TP63: variants seen among roughly 807,000 people sequenced by gnomAD.
The protein encoded by TP63 is tumor protein p63, also known as tumor protein 63.
In TP63, 17 loss-of-function variants were observed where a neutral mutation model predicts 82.8. The observed-to-expected ratio is 0.21, with a 90% confidence interval of 0.14 to 0.31. The LOEUF (loss-of-function observed/expected upper bound fraction) is 0.31. TP63 is among the 10% of genes least tolerant of loss of function. The probability of loss-of-function intolerance (pLI) is 1.00; values close to 1 mark genes in which losing one functional copy is unlikely to be tolerated. For missense variants in TP63, 648 were observed against 895.3 expected (o/e 0.72, Z 3.52); for synonymous variants, 330 against 321.7 (o/e 1.03, Z -0.28).
intron 3 of TP63, among the ~76,000 whole-genome samples, chr3:189,770,809 G>A (rs1723283050): frequency 6.6e-6 from 1 of 152,154 alleles, no homozygotes; most frequent in African/African-American, 2.4e-5. Flanking sequence ...AAATGTATCA[G>A]TCACTTCCAC....
intron 10 of TP63, among the ~76,000 whole-genome samples, chr3:189,881,943 T>C (rs542630888): frequency 5.9e-4 from 90 of 152,006 alleles, no homozygotes; most frequent in African/African-American, 2.1e-3. Flanking sequence ...GTGGAACCTA[T>C]TGTCCAATTT....
intron 3 of TP63, among the ~76,000 whole-genome samples, chr3:189,758,176 C>G (rs1180530550): frequency 6.6e-6 from 1 of 152,298 alleles, no homozygotes; most frequent in South Asian, 2.1e-4. Context: ...AAGGAGCACA[C>G]AACTTAGATC....
At chr3:189,719,381 C>T (rs932613270) in intron 1 of TP63, among the ~76,000 whole-genome samples, 1 of 152,180 alleles carries the variant, frequency 6.6e-6, no homozygotes, top group South Asian at 2.1e-4. Flanking sequence ...TGATTATGTG[C>T]CCATATTCAC....
chr3:189,837,071 C>G (rs1379466270), intron 4 of TP63, among the ~76,000 whole-genome samples: 1 of 152,110 alleles, frequency 6.6e-6, no homozygotes, highest in Non-Finnish European at 1.5e-5. Flanking sequence ...GTACCGTGTT[C>G]TTCACGGTGT....
chr3:189,676,697 G>T (rs987492612), intron 1 of TP63, among the ~76,000 whole-genome samples: 1 of 152,004 alleles, frequency 6.6e-6, no homozygotes, highest in African/African-American at 2.4e-5. Flanking sequence ...CACCCGAATA[G>T]TGTACGTCAG....
chr3:189,637,799 G>C (rs1221876831), intron 1 of TP63, among the ~76,000 whole-genome samples: 1 of 152,080 alleles, frequency 6.6e-6, no homozygotes, highest in Non-Finnish European at 1.5e-5. Context: ...ACACAGCAAA[G>C]CAGAATTAAG....
chr3:189,782,521 A>T (rs1724304472), intron 3 of TP63, among the ~76,000 whole-genome samples: 1 of 152,140 alleles, frequency 6.6e-6, no homozygotes. Context: ...TTTATAGGAG[A>T]TATTTAGTAG....
At chr3:189,822,213 G>T (rs1204026321) in intron 4 of TP63, among the ~76,000 whole-genome samples, 2 of 152,154 alleles carry the variant, frequency 1.3e-5, no homozygotes, top group Admixed American at 1.3e-4. Context: ...TATTAGGATG[G>T]ATCATAGATT....
intron 3 of TP63, among the ~76,000 whole-genome samples, chr3:189,765,696 G>C (rs2108547161): frequency 6.6e-6 from 1 of 151,910 alleles, no homozygotes; most frequent in South Asian, 2.1e-4. Flanking sequence ...GCCTCCCAAA[G>C]TGCTGGGATT....
At chr3:189,650,546 C>T (rs1200166041) in intron 1 of TP63, among the ~76,000 whole-genome samples, 2 of 146,456 alleles carry the variant, frequency 1.4e-5, no homozygotes. Flanking sequence ...TTATAAGGGG[C>T]TTCCCACTTC....
At chr3:189,609,726 G>T in the TP63 span, among the ~76,000 whole-genome samples, 2 of 152,040 alleles carry the variant, frequency 1.3e-5, no homozygotes, top group Non-Finnish European at 2.9e-5. Flanking sequence ...CTTCTTTATG[G>T]CTGCGTAATA....
chr3:189,613,711 C>T, the TP63 span, among the ~76,000 whole-genome samples: 1,091 of 152,284 alleles, frequency 7.2e-3, 7 homozygotes, highest in Non-Finnish European at 0.011. Flanking sequence ...CCTGCAAAAC[C>T]ACAGGGGTGG....
chr3:189,638,159 A>G (rs1014066776), intron 1 of TP63, among the ~76,000 whole-genome samples: 1 of 152,174 alleles, frequency 6.6e-6, no homozygotes, highest in African/African-American at 2.4e-5. Context: ...AATTTGTGGT[A>G]ACTTGTCATG....
At chr3:189,657,308 G>A (rs2108646894) in intron 1 of TP63, among the ~76,000 whole-genome samples, 1 of 152,130 alleles carries the variant, frequency 6.6e-6, no homozygotes, top group Admixed American at 6.6e-5. Context: ...GACCATTACG[G>A]CATAAAAAAT....
intron 3 of TP63, among the ~76,000 whole-genome samples, chr3:189,767,780 C>T (rs1373442007): frequency 6.6e-6 from 1 of 152,094 alleles, no homozygotes; most frequent in Non-Finnish European, 1.5e-5. Flanking sequence ...AATGTTCAGA[C>T]TCAAATATCT....
intron 1 of TP63, among the ~76,000 whole-genome samples, chr3:189,693,660 T>C (rs1717119915): frequency 6.6e-6 from 1 of 152,214 alleles, no homozygotes; most frequent in South Asian, 2.1e-4. Context: ...TTAGGCCTTA[T>C]GTTTTGCCTA....
At chr3:189,653,267 T>C (rs1490874890) in intron 1 of TP63, among the ~76,000 whole-genome samples, 1 of 152,210 alleles carries the variant, frequency 6.6e-6, no homozygotes, top group Non-Finnish European at 1.5e-5. Flanking sequence ...AGAGTCAGGA[T>C]ATCTCTTTCT....
At chr3:189,692,819 C>T (rs1185739370) in intron 1 of TP63, among the ~76,000 whole-genome samples, 1 of 152,156 alleles carries the variant, frequency 6.6e-6, no homozygotes, top group African/African-American at 2.4e-5. Context: ...GTTTACTGAA[C>T]TCCTTCTCAA....
At chr3:189,764,325 C>A (rs1004769225) in intron 3 of TP63, among the ~76,000 whole-genome samples, 1 of 152,118 alleles carries the variant, frequency 6.6e-6, no homozygotes, top group African/African-American at 2.4e-5. Context: ...GAAACAAGAA[C>A]CATGTTGATA....
Sources: gnomAD v4.1 joint callset for allele counts (sites outside exome capture counted in the v4.1 genomes callset) on GRCh38, gnomAD v4.1.1 for gene constraint, MANE v1.5 for transcripts, NCBI Gene and HGNC (gene_info 2026-07-23, HGNC 2026-07-21) for gene names.